Variants in NFATC3 observed in about 807,000 individuals in gnomAD.
NFATC3 encodes the protein nuclear factor of activated T-cells, cytoplasmic 3.
Under a neutral mutation model 98.6 loss-of-function variants are expected in NFATC3, and 46 were observed. The ratio of observed to expected loss-of-function variants is 0.47; its 90% CI spans 0.37 to 0.60. The LOEUF (loss-of-function observed/expected upper bound fraction) is 0.60, where lower values mean the gene tolerates loss of function less well. Among genes scored for constraint, NFATC3 ranks in the 20% least tolerant of loss-of-function variants. The probability of loss-of-function intolerance (pLI) is 0.00; values close to 1 mark genes in which losing one functional copy is unlikely to be tolerated. For missense variants in NFATC3, 1,256 were observed against 1,295.5 expected (o/e 0.97, Z 0.47); for synonymous variants, 512 against 472.2 (o/e 1.08, Z -1.09).
At chr16:68,098,788 A>G (rs992763548) in intron 1 of NFATC3, among the ~76,000 whole-genome samples, 1 of 152,204 alleles carries the variant, frequency 6.6e-6, no homozygotes, top group Non-Finnish European at 1.5e-5. Flanking sequence ...CCAAATAACT[A>G]ATGCTCTTGA....
intron 4 of NFATC3, among the ~76,000 whole-genome samples, chr16:68,159,285 G>A (rs779796219): frequency 1.3e-4 from 20 of 151,878 alleles, no homozygotes; most frequent in Non-Finnish European, 2.9e-4. Context: ...TGAGGAAGAA[G>A]AAAAGAAAGG....
chr16:68,167,981 C>T (rs1328750650), intron 5 of NFATC3, among the ~76,000 whole-genome samples: 1 of 150,058 alleles, frequency 6.7e-6, no homozygotes, highest in African/African-American at 2.5e-5. Context: ...TACAGGCACC[C>T]GCCACCATAT....
chr16:68,208,923 C>T (rs749574198), intron 9 of NFATC3, among the ~76,000 whole-genome samples: 6 of 152,130 alleles, frequency 3.9e-5, no homozygotes, highest in Non-Finnish European at 7.4e-5. Context: ...TCATGCCATT[C>T]GTGAATAGAG....
rs138537631 is a variant in NFATC3 at position 68,131,953 on chromosome 16, A to G, written c.1401+5343A>G. On this transcript the variant is annotated intron_variant, in intron 3 of 9. Coordinates refer to ENST00000346183, the MANE Select transcript of NFATC3 (RefSeq NM_173165.3). ...TGTTAATGGGAAAAAATGTCGTCTC[A>G]GAAGTGGGCATATACTGGTATAGTG... 1.1e-3 allele frequency among the ~76,000 whole-genome samples: 164 copies of G among 152,346 alleles called. 1 individual carries two copies. The highest frequency in any genetic ancestry group is 3.6e-3 in the African/African-American group (151 of 41,570).
intron 8 of NFATC3, among the ~76,000 whole-genome samples, chr16:68,184,021 A>AG (rs2040060968): frequency 2.0e-5 from 3 of 151,954 alleles, no homozygotes; most frequent in African/African-American, 7.2e-5. Context: ...AAAAAAAAAA[A>AG]AAAAGAAATG....
At chr16:68,103,348 A>G (rs1330733212) in intron 1 of NFATC3, among the ~76,000 whole-genome samples, 3 of 152,050 alleles carry the variant, frequency 2.0e-5, no homozygotes, top group African/African-American at 7.2e-5. Context: ...AGCTGGGACT[A>G]CAGGTGCATG....
intron 3 of NFATC3, among the ~76,000 whole-genome samples, chr16:68,130,621 T>C (rs1487457720): frequency 6.6e-6 from 1 of 152,162 alleles, no homozygotes; most frequent in Non-Finnish European, 1.5e-5. Context: ...CATTCTGTTA[T>C]TTCCTTTGCT....
At chr16:68,093,905 T>C (rs928585461) in intron 1 of NFATC3, among the ~76,000 whole-genome samples, 1 of 152,212 alleles carries the variant, frequency 6.6e-6, no homozygotes, top group Non-Finnish European at 1.5e-5. Context: ...GTTGGGCATA[T>C]GGAATCAAAC....
At chr16:68,167,775 T>G in intron 5 of NFATC3, among the ~76,000 whole-genome samples, 1 of 150,282 alleles carries the variant, frequency 6.7e-6, no homozygotes, top group Non-Finnish European at 1.5e-5. Context: ...CTCTGTTGAT[T>G]ATATAATGTT....
At chr16:68,163,445 G>A (rs1302669893) in intron 4 of NFATC3, among the ~76,000 whole-genome samples, 38 of 150,042 alleles carry the variant, frequency 2.5e-4, no homozygotes, top group African/African-American at 8.3e-4. Flanking sequence ...GGGCGGCCGG[G>A]CAGAGGCGCC....
At chr16:68,092,452 CAAA>C (rs1239654596) in intron 1 of NFATC3, among the ~76,000 whole-genome samples, 10 of 118,252 alleles carry the variant, frequency 8.5e-5, no homozygotes, top group African/African-American at 3.1e-4. Context: ...AACTCTCTCT[CAAA>C]AAAAAAAAAA....
intron 9 of NFATC3, among the ~76,000 whole-genome samples, chr16:68,199,423 A>G (rs2040816396): frequency 6.9e-6 from 1 of 145,598 alleles, no homozygotes; most frequent in Non-Finnish European, 1.5e-5. Context: ...GCGGGGTTTC[A>G]CTGTGTTAGC....
At chr16:68,158,740 C>T (rs1006895041) in intron 4 of NFATC3, among the ~76,000 whole-genome samples, 3 of 151,536 alleles carry the variant, frequency 2.0e-5, no homozygotes, top group African/African-American at 7.3e-5. Flanking sequence ...TGCTGGAGCT[C>T]TAGCCATGAC....
At position 68,112,653 on chromosome 16, in the gene NFATC3, T is replaced by C. The variant is rs946603333; in HGVS notation, c.104-9334T>C. Among the ~76,000 whole-genome samples, 8 of 133,030 alleles carry C rather than the reference T, an allele frequency of 6.0e-5. 1 individual carries two copies. The highest frequency in any genetic ancestry group is 1.7e-4 in the African/African-American group (6 of 35,456). The allele number at this position is 133,030 out of a possible 152,430, so 87.3% of individuals were successfully genotyped here. On this transcript the variant is annotated intron_variant, in intron 1 of 9. Transcript: ENST00000346183. ...TTTCATTTTTTCTTTTTCGTTTTTTTTTTTTTTTTTTTTTTTGAGACGGAG... is the reference window on the plus strand; with the variant it reads ...TTTCATTTTTTCTTTTTCGTTTTTTCTTTTTTTTTTTTTTTTGAGACGGAG...
Position 68,134,671 on chromosome 16 carries a change from T to C in NFATC3, c.1401+8061T>C, listed in dbSNP as rs1353453769. ...CAGGGCAAAAAAGGATTCATAGTTGTGCCATTAAGTAATTTGCTAGGGTTT... is the reference window on the plus strand; with the variant it reads ...CAGGGCAAAAAAGGATTCATAGTTGCGCCATTAAGTAATTTGCTAGGGTTT... On this transcript the variant is annotated intron_variant, in intron 3 of 9. Transcript: ENST00000346183. 3.3e-5 allele frequency among the ~76,000 whole-genome samples: 5 copies of C among 152,216 alleles called. No individual in the cohort carries two copies. In the East Asian group the frequency reaches 7.7e-4, roughly 23 times the overall value.
rs753658653 is a variant in NFATC3, at chr16:68,122,715, A to C, written c.832A>C (p.Ser278Arg). 5.0e-6 allele frequency: 8 copies of C among 1,614,100 alleles called. No homozygotes were observed. Among genetic ancestry groups the C allele is most frequent in the East Asian group, 2.2e-5 (1 of 44,892 alleles). The change falls in exon 2 of 10, where the codon AGT becomes CGT. Residue 278 changes from serine (S) to arginine (R), a missense_variant. Coordinates refer to ENST00000346183, the MANE Select transcript of NFATC3 (RefSeq NM_173165.3). ...CCCCTGTGGGAAACGGAGGCACTCC[A>C]GTGCTGAAGTTTGTTATGCTGGGTC... ...TSPCGKRRHS[S>R]AEVCYAGSLS...
intron 9 of NFATC3, chr16:68,224,966 T>G (rs2041993792): frequency 6.6e-6 from 1 of 152,098 alleles, no homozygotes; most frequent in Admixed American, 6.6e-5. Context: ...ATTGATTGAT[T>G]TTTTGAGACA....
intron 1 of NFATC3, among the ~76,000 whole-genome samples, chr16:68,096,394 G>A (rs985522128): frequency 2.0e-5 from 3 of 152,224 alleles, no homozygotes; most frequent in Admixed American, 1.3e-4. Context: ...GGGGAACATT[G>A]TATGAGATCT....
At chr16:68,109,833 G>A (rs2035851440) in intron 1 of NFATC3, among the ~76,000 whole-genome samples, 1 of 151,890 alleles carries the variant, frequency 6.6e-6, no homozygotes, top group Non-Finnish European at 1.5e-5. Flanking sequence ...ATTTATCAGT[G>A]TCTTCTAAGT....
Sources: allele counts gnomAD v4.1 joint callset (sites outside exome capture counted in the v4.1 genomes callset), GRCh38; gene constraint gnomAD v4.1.1; transcripts MANE v1.5; gene names NCBI Gene and HGNC (gene_info 2026-07-23, HGNC 2026-07-21).